Variants in NLK observed in about 807,000 individuals in gnomAD.
NLK encodes the protein nemo like kinase.
A neutral mutation model predicts 59.0 loss-of-function variants in NLK; 11 were observed. The ratio of observed to expected loss-of-function variants is 0.19; its 90% CI spans 0.12 to 0.31. The LOEUF is 0.31. NLK is among the 10% of genes least tolerant of loss of function. The pLI, the probability that NLK is intolerant of heterozygous loss-of-function variation, is 1.00. For synonymous variants in NLK, 235 were observed against 235.9 expected (o/e 1.00, Z 0.03); for missense variants, 410 against 661.1 (o/e 0.62, Z 4.16).
At chr17:28,045,212 TCTTA>T (rs953212018) in intron 1 of NLK, among the ~76,000 whole-genome samples, 3 of 152,212 alleles carry the variant, frequency 2.0e-5, no homozygotes, top group Non-Finnish European at 2.9e-5. Flanking sequence ...CTGTGCACCA[TCTTA>T]CTTCAGGTTT....
the NLK span, among the ~76,000 whole-genome samples, chr17:28,203,760 C>T: frequency 6.6e-6 from 1 of 152,178 alleles, no homozygotes; most frequent in Admixed American, 6.5e-5. Flanking sequence ...TGGTCTTGAA[C>T]TTCTGACCTC....
At chr17:28,112,331 A>G (rs1420968951) in intron 1 of NLK, among the ~76,000 whole-genome samples, 2 of 151,978 alleles carry the variant, frequency 1.3e-5, no homozygotes, top group Non-Finnish European at 2.9e-5. Context: ...CCTTCAAATC[A>G]TGTTAGCTCC....
downstream of NLK, among the ~76,000 whole-genome samples, chr17:28,200,966 A>G (rs1909613923): frequency 6.6e-6 from 1 of 152,160 alleles, no homozygotes; most frequent in Admixed American, 6.5e-5. Flanking sequence ...TTCTCCATTC[A>G]GTTGCCTTTG....
intron 1 of NLK, among the ~76,000 whole-genome samples, chr17:28,063,585 C>T (rs1350890738): frequency 6.6e-6 from 1 of 152,062 alleles, no homozygotes; most frequent in Non-Finnish European, 1.5e-5. Flanking sequence ...TATGTTTTGT[C>T]TCTGTTTACA....
chr17:28,075,129 G>A (rs1314574004), intron 1 of NLK, among the ~76,000 whole-genome samples: 1 of 152,194 alleles, frequency 6.6e-6, no homozygotes, highest in Admixed American at 6.5e-5. Context: ...AGTATTGGCT[G>A]TGTTAGCCTG....
chr17:28,071,026 G>A (rs1466775154), intron 1 of NLK, among the ~76,000 whole-genome samples: 1 of 152,152 alleles, frequency 6.6e-6, no homozygotes, highest in Non-Finnish European at 1.5e-5. Flanking sequence ...GGGCCTGATA[G>A]TTCTTTGCTG....
intron 3 of NLK, among the ~76,000 whole-genome samples, chr17:28,133,189 G>A (rs769975753): frequency 3.3e-5 from 5 of 152,078 alleles, no homozygotes; most frequent in Admixed American, 1.3e-4. Flanking sequence ...ATCAGATGCC[G>A]GGCACAATTC....
At chr17:28,064,346 T>C (rs1909760123) in intron 1 of NLK, among the ~76,000 whole-genome samples, 1 of 151,918 alleles carries the variant, frequency 6.6e-6, no homozygotes, top group Non-Finnish European at 1.5e-5. Context: ...ACGAGATCTC[T>C]CTGTATTGCC....
At chr17:28,063,683 A>G (rs191160741) in intron 1 of NLK, among the ~76,000 whole-genome samples, 46 of 152,334 alleles carry the variant, frequency 3.0e-4, no homozygotes, top group Non-Finnish European at 4.9e-4. Flanking sequence ...TAAAAATTCA[A>G]TTAGTAATAT....
intron 1 of NLK, among the ~76,000 whole-genome samples, chr17:28,053,897 C>T (rs1909349222): frequency 6.6e-6 from 1 of 152,138 alleles, no homozygotes; most frequent in Admixed American, 6.5e-5. Flanking sequence ...ACTGTATTAT[C>T]TTACCAGTAC....
rs562002925 is a variant in NLK, at chr17:28,122,444, C to T, written c.459-159C>T. On this transcript the variant is annotated intron_variant, in intron 1 of 10. Coordinates refer to ENST00000407008, the MANE Select transcript of NLK (RefSeq NM_016231.5). ...TTCTCTTTAATTATAGATATGTACT[C>T]TTTTATCTTTCTCACTGACACCTTA... is the stretch of plus-strand genomic sequence containing the variant. Among the ~76,000 whole-genome samples the T allele has an allele frequency of 2.0e-5, 3 of 151,898 alleles. No homozygotes were observed. The South Asian group carries it at 6.2e-4, about 32-fold the overall frequency.
the NLK span, among the ~76,000 whole-genome samples, chr17:28,202,736 G>A: frequency 2.0e-5 from 3 of 146,672 alleles, no homozygotes; most frequent in East Asian, 2.0e-4. Context: ...AGGCTAGAGT[G>A]CAATGGTGCA....
intron 1 of NLK, among the ~76,000 whole-genome samples, chr17:28,065,372 CAGTGAATA>C (rs144614043): frequency 6.6e-6 from 1 of 151,966 alleles, no homozygotes; most frequent in African/African-American, 2.4e-5. Context: ...TGTACAAAGT[CAGTGAATA>C]AGAGATGGCA....
chr17:28,074,661 A>T (rs190163992), intron 1 of NLK, among the ~76,000 whole-genome samples: 1 of 152,172 alleles, frequency 6.6e-6, no homozygotes, highest in African/African-American at 2.4e-5. Flanking sequence ...TTAGGTGTCC[A>T]TTGGCAAAGC....
chr17:28,162,801 T>G (rs1908066166), intron 4 of NLK, among the ~76,000 whole-genome samples: 1 of 151,994 alleles, frequency 6.6e-6, no homozygotes, highest in Non-Finnish European at 1.5e-5. Context: ...TGCCCGTAGT[T>G]CCCACTTCTC....
chr17:28,192,089 A>T (rs1204655900), intron 9 of NLK, 31 bp from the exon 10 acceptor site: 1 of 1,386,748 alleles, frequency 7.2e-7, no homozygotes, highest in Non-Finnish European at 1.0e-6. Context: ...GCAAATTGTC[A>T]TGGATTGTAT....
the NLK span, among the ~76,000 whole-genome samples, chr17:28,203,757 G>C: frequency 6.6e-6 from 1 of 152,102 alleles, no homozygotes; most frequent in Non-Finnish European, 1.5e-5. Flanking sequence ...GGCTGGTCTT[G>C]AACTTCTGAC....
chr17:28,115,432 G>C (rs932853430), intron 1 of NLK, among the ~76,000 whole-genome samples: 2 of 152,198 alleles, frequency 1.3e-5, no homozygotes, highest in African/African-American at 4.8e-5. Flanking sequence ...CTGCTCTGCA[G>C]AGCCAACTTT....
chr17:28,094,899 T>C (rs984231845), intron 1 of NLK, among the ~76,000 whole-genome samples: 6 of 152,144 alleles, frequency 3.9e-5, no homozygotes, highest in Non-Finnish European at 8.8e-5. Context: ...CTCTGCAAAT[T>C]TGTGTTTATT....
Sources: gnomAD v4.1 joint callset for allele counts (sites outside exome capture counted in the v4.1 genomes callset) on GRCh38, gnomAD v4.1.1 for gene constraint, MANE v1.5 for transcripts, NCBI Gene and HGNC (gene_info 2026-07-23, HGNC 2026-07-21) for gene names.